TTC9: variants seen among roughly 807,000 people sequenced by gnomAD.
TTC9 encodes the protein tetratricopeptide repeat domain 9.
In TTC9, 13 loss-of-function variants were observed where a neutral mutation model predicts 22.9. The observed-to-expected ratio is 0.57, with a 90% confidence interval of 0.37 to 0.90. The LOEUF (loss-of-function observed/expected upper bound fraction) is 0.90, where lower values mean the gene tolerates loss of function less well. Ranked by LOEUF, TTC9 falls within the 40% of genes least tolerant of loss-of-function variation. TTC9 has a pLI of 0.01. For synonymous variants in TTC9, 148 were observed against 133.2 expected (o/e 1.11, Z -0.77); for missense variants, 280 against 291.8 (o/e 0.96, Z 0.29).
Position 70,667,643 on chromosome 14 carries a change from G to C in TTC9, c.486G>C (p.Glu162Asp), listed in dbSNP as rs183858804. The C allele has an allele frequency of 7.4e-6, 12 of 1,613,886 alleles. No homozygotes were observed. The East Asian group carries it at 2.7e-4, about 36-fold the overall frequency. ...TCAAAGTCTTGAAGAAGGAAGGGGA[G>C]AACTTCAAGGCCCTTTACCGGTCTG... ...YCLKVLKKEG[E>D]NFKALYRSGV... The change falls in exon 2 of 3, where the codon GAG becomes GAC. Residue 162 changes from glutamate (E) to aspartate (D), a missense_variant. Transcript: ENST00000256367.
At chr14:70,668,048 C>G (rs1458441876) in intron 2 of TTC9, among the ~76,000 whole-genome samples, 1 of 152,140 alleles carries the variant, frequency 6.6e-6, no homozygotes, top group Non-Finnish European at 1.5e-5. Flanking sequence ...TGAATTCATA[C>G]TATGTGCCAA....
At chr14:70,642,736 C>T (rs1164197679) in intron 1 of TTC9, among the ~76,000 whole-genome samples, 2 of 152,248 alleles carry the variant, frequency 1.3e-5, no homozygotes, top group Admixed American at 6.5e-5. Flanking sequence ...CTTGTCCCTT[C>T]GCTAGCATAC....
chr14:70,657,747 C>T (rs1270366596), intron 1 of TTC9, among the ~76,000 whole-genome samples: 2 of 152,116 alleles, frequency 1.3e-5, no homozygotes, highest in Admixed American at 1.3e-4. Context: ...GGGCAGATCA[C>T]CTGAGGTCAG....
At chr14:70,669,870 T>C (rs1278811844) in intron 2 of TTC9, among the ~76,000 whole-genome samples, 1 of 152,162 alleles carries the variant, frequency 6.6e-6, no homozygotes, top group Non-Finnish European at 1.5e-5. Flanking sequence ...CTTCCAGAAG[T>C]AACTATTCCA....
At position 70,672,439 on chromosome 14, in the gene TTC9, C is replaced by T. The variant is rs186839630; in HGVS notation, c.*1284C>T. ...TGTTGCTTCAGTCAAACAAGAAACA[C>T]TTACTGAGGGCATATTGTTTGCCCA... On this transcript the variant is annotated 3_prime_UTR_variant, in exon 3 of 3. Transcript: ENST00000256367. The T allele has an allele frequency of 6.6e-6, 1 of 152,318 alleles. No homozygotes were observed. The highest frequency in any genetic ancestry group is 6.5e-5 in the Admixed American group (1 of 15,302). The allele number at this position is 152,318 out of a possible 1,614,324, so 9.4% of individuals were successfully genotyped here.
Position 70,671,270 on chromosome 14 carries a change from A to C in TTC9, c.*115A>C. ...TTCTCCCCACTTCTTCTGGCTCCTC[A>C]TTTTTCCTCCTGTTGCACCCCAGCT... On this transcript the variant is annotated 3_prime_UTR_variant, in exon 3 of 3. Transcript: ENST00000256367. The C allele has an allele frequency of 3.6e-6, 3 of 843,086 alleles. No individual in the cohort carries two copies. The highest frequency in any genetic ancestry group is 1.6e-5 in the South Asian group (1 of 61,850). 52.2% of individuals were successfully genotyped at this position (843,086 alleles called of 1,614,324 possible). A position where few individuals can be genotyped will look rare whatever the true frequency, so the allele number is the denominator to read the frequency against.
chr14:70,667,935 A>G (rs1886237143), intron 2 of TTC9, among the ~76,000 whole-genome samples, 189 bp downstream of exon 2: 2 of 152,190 alleles, frequency 1.3e-5, no homozygotes, highest in Non-Finnish European at 1.5e-5. Flanking sequence ...TTTGAGTTCC[A>G]GGGAGCACAG....
In TTC9 at chr14:70,642,903, G is replaced by A. The variant is rs1016691303; in HGVS notation, c.406+368G>A. ...CCGCTAGCCCAGCTTTTTCCTGCGG[G>A]TGGGTCCCAAGGGAGGCCACGCACC... On this transcript the variant is annotated intron_variant, in intron 1 of 2. Transcript: ENST00000256367. Among the ~76,000 whole-genome samples the A allele has an allele frequency of 2.8e-4, 42 of 152,312 alleles. 4 individuals carry two copies. Among genetic ancestry groups the A allele is most frequent in the Admixed American group, 1.7e-3 (26 of 15,306 alleles).
intron 1 of TTC9, among the ~76,000 whole-genome samples, chr14:70,654,015 A>G (rs929066078): frequency 6.6e-6 from 1 of 152,080 alleles, no homozygotes; most frequent in Non-Finnish European, 1.5e-5. Context: ...GAGCTTCCTT[A>G]TTGGGGTAGG....
At position 70,648,170 on chromosome 14, in the gene TTC9, C is replaced by T. The variant is rs1045968601; in HGVS notation, c.406+5635C>T. Among the ~76,000 whole-genome samples, 3 of 152,164 alleles carry T rather than the reference C, an allele frequency of 2.0e-5. No homozygotes were observed. In the East Asian group the frequency reaches 5.8e-4, roughly 29 times the overall value. ...ATGCTCAGCCAAGATCTTGCCATCC[C>T]GATGGGAGAGCTTGACTGGCTAAGC... On this transcript the variant is annotated intron_variant, in intron 1 of 2. Coordinates refer to ENST00000256367, the MANE Select transcript of TTC9 (RefSeq NM_015351.2).
Position 70,672,067 on chromosome 14 carries a change from A to C in TTC9, c.*912A>C, listed in dbSNP as rs935211739. On this transcript the variant is annotated 3_prime_UTR_variant, in exon 3 of 3. Coordinates refer to ENST00000256367, the MANE Select transcript of TTC9 (RefSeq NM_015351.2). ...TCTGTTGGAAGCAGCCCACTCCCTC[A>C]CTTTTACTCCTTCCTCCAACCCTCA... is the stretch of plus-strand genomic sequence containing the variant. 2.6e-5 allele frequency: 4 copies of C among 152,178 alleles called. No individual in the cohort carries two copies. The highest frequency in any genetic ancestry group is 7.2e-5 in the African/African-American group (3 of 41,430). 9.4% of individuals were successfully genotyped at this position (152,178 alleles called of 1,614,324 possible).
At chr14:70,650,358 G>A (rs764322910) in intron 1 of TTC9, among the ~76,000 whole-genome samples, 74 of 152,186 alleles carry the variant, frequency 4.9e-4, no homozygotes, top group Non-Finnish European at 1.0e-3. Context: ...GGGAGACGGA[G>A]GTTGCGGTGA....
intron 1 of TTC9, among the ~76,000 whole-genome samples, chr14:70,659,726 A>G (rs1886118875): frequency 6.6e-6 from 1 of 152,196 alleles, no homozygotes; most frequent in Admixed American, 6.5e-5. Flanking sequence ...AGGAAGCAGT[A>G]CCCATGCCTC....
In TTC9 at chr14:70,667,569, C is replaced by G; in HGVS notation, c.412C>G (p.Leu138Val). Residue 138 changes from leucine (L) to valine (V), a missense_variant, in exon 2 of 3, where the codon CTG becomes GTG. Transcript: ENST00000256367. ...TTCCCTCCCTTCCTCCATAGCCTGC[C>G]TGCTCCAGGCTGAGCTGGTAAACTA... is the stretch of plus-strand genomic sequence containing the variant. The part of the protein sequence containing the change: ...IDCYNSLAAC[L>V]LQAELVNYER... 6.2e-7 allele frequency: 1 copy of G among 1,613,994 alleles called. No individual in the cohort carries two copies. Among genetic ancestry groups the G allele is most frequent in the Non-Finnish European group, 8.5e-7 (1 of 1,179,902 alleles).
chr14:70,660,162 G>A (rs976649741), intron 1 of TTC9, among the ~76,000 whole-genome samples: 7 of 152,176 alleles, frequency 4.6e-5, no homozygotes, highest in African/African-American at 9.7e-5. Context: ...CTCCTTGGCC[G>A]GGGTTCTTAT....
At chr14:70,656,242 C>CAA (rs1886065251) in intron 1 of TTC9, among the ~76,000 whole-genome samples, 4 of 149,032 alleles carry the variant, frequency 2.7e-5, no homozygotes, top group African/African-American at 1.0e-4. Context: ...CACACACACA[C>CAA]ACACATTTAT....
chr14:70,648,772 C>A (rs1159291164), intron 1 of TTC9, among the ~76,000 whole-genome samples: 1 of 152,112 alleles, frequency 6.6e-6, no homozygotes, highest in Non-Finnish European at 1.5e-5. Context: ...TCCGTTTCAC[C>A]CAGATGATTA....
At chr14:70,651,029 G>C (rs1402124798) in intron 1 of TTC9, among the ~76,000 whole-genome samples, 1 of 152,050 alleles carries the variant, frequency 6.6e-6, no homozygotes, top group East Asian at 1.9e-4. Context: ...ACCCAGGCTG[G>C]AGTGTAAGTA....
chr14:70,642,476 C>T lies in TTC9; in HGVS notation c.347C>T (p.Ser116Leu). Reference protein sequence around the residue: ...PAGALKPGRLSEEQSKTVEAI... With the variant: ...PAGALKPGRLLEEQSKTVEAI... ...GGGGCCCTGAAGCCCGGCCGCCTCTCGGAGGAGCAGAGCAAGACGGTGGAA... is the reference window on the plus strand; with the variant it reads ...GGGGCCCTGAAGCCCGGCCGCCTCTTGGAGGAGCAGAGCAAGACGGTGGAA... The change falls in exon 1 of 3, where the codon TCG becomes TTG. Residue 116 changes from serine to leucine, a missense_variant. Coordinates refer to ENST00000256367, the MANE Select transcript of TTC9 (RefSeq NM_015351.2). 1 of 1,550,068 alleles carries T rather than the reference C, an allele frequency of 6.5e-7. No homozygotes were observed. The highest frequency in any genetic ancestry group is 8.7e-7 in the Non-Finnish European group (1 of 1,147,468).
Sources: allele counts gnomAD v4.1 joint callset (sites outside exome capture counted in the v4.1 genomes callset), GRCh38; gene constraint gnomAD v4.1.1; transcripts MANE v1.5; gene names NCBI Gene and HGNC (gene_info 2026-07-23, HGNC 2026-07-21).